The following RGS7 variants were observed in gnomAD, a reference collection of about 807,000 sequenced individuals.
The protein encoded by RGS7 is regulator of G-protein signaling 7.
RGS7 carries 27 observed loss-of-function variants against 81.1 expected under a neutral mutation model. The ratio of observed to expected loss-of-function variants is 0.33; its 90% CI spans 0.25 to 0.46. The LOEUF is 0.46. Among genes scored for constraint, RGS7 ranks in the 20% least tolerant of loss-of-function variants. RGS7 has a pLI of 1.00. For synonymous variants in RGS7, 208 were observed against 207.7 expected, an observed-to-expected ratio of 1.00 and a Z score of -0.01; for missense variants, 396 against 607.4, an observed-to-expected ratio of 0.65 and a Z score of 3.66.
chr1:241,253,208 C>T (rs988735261), intron 2 of RGS7, among the ~76,000 whole-genome samples: 2 of 152,144 alleles, frequency 1.3e-5, no homozygotes, highest in Admixed American at 6.5e-5. Context: ...CCCAGATTAT[C>T]GACATGTAGC....
intron 18 of RGS7, among the ~76,000 whole-genome samples, chr1:240,786,822 T>G (rs1685157723): frequency 6.6e-6 from 1 of 152,234 alleles, no homozygotes; most frequent in Non-Finnish European, 1.5e-5. Flanking sequence ...ACAGTAGATA[T>G]GTCTTGATAC....
At chr1:241,338,027 TAGTG>T (rs1295897368) in intron 2 of RGS7, among the ~76,000 whole-genome samples, 1 of 152,222 alleles carries the variant, frequency 6.6e-6, no homozygotes, top group Non-Finnish European at 1.5e-5. Flanking sequence ...CAGTTATTTT[TAGTG>T]AGTGATTTTT....
intron 2 of RGS7, among the ~76,000 whole-genome samples, chr1:241,293,933 A>G (rs151083617): frequency 1.4e-3 from 209 of 152,318 alleles, no homozygotes; most frequent in South Asian, 2.7e-3. Flanking sequence ...CAGCAATCCC[A>G]TTGCTGGATA....
At chr1:241,114,772 C>T (rs2065779683) in intron 2 of RGS7, among the ~76,000 whole-genome samples, 1 of 152,124 alleles carries the variant, frequency 6.6e-6, no homozygotes. Flanking sequence ...ATTATGGGGC[C>T]TGAGTCATGT....
At chr1:241,322,411 A>T (rs1270571190) in intron 2 of RGS7, among the ~76,000 whole-genome samples, 1 of 152,216 alleles carries the variant, frequency 6.6e-6, no homozygotes, top group African/African-American at 2.4e-5. Context: ...ATATTGGTTG[A>T]CTATATATTC....
At chr1:241,182,300 C>T (rs1294138532) in intron 2 of RGS7, among the ~76,000 whole-genome samples, 2 of 152,092 alleles carry the variant, frequency 1.3e-5, no homozygotes, top group African/African-American at 4.8e-5. Flanking sequence ...CATAGGACTC[C>T]AAAGAATAAA....
In RGS7 at chr1:240,827,167, T is replaced by A. The variant is rs1385211349; in HGVS notation, c.615A>T (p.Gly205=). 6.2e-7 allele frequency: 1 copy of A among 1,612,804 alleles called. No homozygotes were observed. The highest frequency in any genetic ancestry group is 2.2e-5 in the East Asian group (1 of 44,870). Residue 205 remains glycine, a synonymous_variant, in exon 10 of 19, where the codon GGA becomes GGT. Coordinates refer to ENST00000440928, the MANE Select transcript of RGS7 (RefSeq NM_001364886.1). ...TGTCCACTTCAGTTGTATTTACACATCCAGGCTGGGAATGGAAAAACAGAG... is the reference window on the plus strand; with the variant it reads ...TGTCCACTTCAGTTGTATTTACACAACCAGGCTGGGAATGGAAAAACAGAG... ...AFWDVHRPVP[G]CVNTTEVDIK...
chr1:241,152,130 C>T (rs1198505635), intron 2 of RGS7, among the ~76,000 whole-genome samples: 2 of 141,050 alleles, frequency 1.4e-5, no homozygotes, highest in East Asian at 2.2e-4. Context: ...AATTCCAGCT[C>T]ATTAGCAGCC....
chr1:241,106,770 A>ACACACACACACACACACACACACCCCCC (rs1439413513), intron 2 of RGS7, among the ~76,000 whole-genome samples: 25 of 149,500 alleles, frequency 1.7e-4, no homozygotes, highest in African/African-American at 5.7e-4. Context: ...ACACACACAC[A>ACACACACACACACACACACACACCCCCC]CACACACACA....
At chr1:241,332,846 C>A (rs993825322) in intron 2 of RGS7, among the ~76,000 whole-genome samples, 1 of 152,182 alleles carries the variant, frequency 6.6e-6, no homozygotes, top group Non-Finnish European at 1.5e-5. Flanking sequence ...AATTAGAATT[C>A]CACCTTCAGA....
downstream of RGS7, among the ~76,000 whole-genome samples, chr1:240,774,886 AT>A (rs11287643): frequency 0.17 from 26,169 of 152,182 alleles, 3,017 homozygotes; most frequent in African/African-American, 0.33. Flanking sequence ...AAAATACGGT[AT>A]AACAACTAAT....
intron 2 of RGS7, among the ~76,000 whole-genome samples, chr1:241,343,508 C>A: frequency 6.6e-6 from 1 of 152,184 alleles, no homozygotes; most frequent in South Asian, 2.1e-4. Flanking sequence ...GGAGAAAATT[C>A]TGGCACATGT....
chr1:240,913,845 T>C (rs1218225913), intron 6 of RGS7, among the ~76,000 whole-genome samples: 1 of 152,122 alleles, frequency 6.6e-6, no homozygotes, highest in African/African-American at 2.4e-5. Flanking sequence ...AGAAAAATGT[T>C]ATTTTATCTA....
chr1:241,352,801 A>T (rs2083328132), intron 2 of RGS7, among the ~76,000 whole-genome samples: 1 of 152,266 alleles, frequency 6.6e-6, no homozygotes, highest in Non-Finnish European at 1.5e-5. Flanking sequence ...GTATGAGGAT[A>T]GTGATAACGA....
At chr1:241,103,258 T>A (rs949203937) in intron 2 of RGS7, among the ~76,000 whole-genome samples, 1 of 152,190 alleles carries the variant, frequency 6.6e-6, no homozygotes, top group African/African-American at 2.4e-5. Flanking sequence ...CATGCATATA[T>A]TCATTAAAAT....
chr1:241,165,786 TA>T (rs1169374888), intron 2 of RGS7, among the ~76,000 whole-genome samples: 21 of 107,508 alleles, frequency 2.0e-4, no homozygotes, highest in East Asian at 5.1e-4. Flanking sequence ...ATAATAATAA[TA>T]AAAAAAAAAA....
At chr1:241,202,970 CT>C (rs542982856) in intron 2 of RGS7, among the ~76,000 whole-genome samples, 96 of 152,192 alleles carry the variant, frequency 6.3e-4, no homozygotes, top group Non-Finnish European at 1.1e-3. Flanking sequence ...ATTTTCTGAG[CT>C]TTAACATTTC....
intron 2 of RGS7, among the ~76,000 whole-genome samples, chr1:241,219,362 G>A (rs1203904556): frequency 2.6e-5 from 4 of 152,146 alleles, no homozygotes; most frequent in African/African-American, 4.8e-5. Context: ...AAGACGTGAC[G>A]TGATCCTCCT....
At chr1:241,116,111 A>C (rs1477262475) in intron 2 of RGS7, among the ~76,000 whole-genome samples, 2 of 152,104 alleles carry the variant, frequency 1.3e-5, no homozygotes, top group African/African-American at 4.8e-5. Context: ...TGAGTCAACT[A>C]AATCTCTTTT....
Sources: gnomAD v4.1 joint callset for allele counts (sites outside exome capture counted in the v4.1 genomes callset) on GRCh38, gnomAD v4.1.1 for gene constraint, MANE v1.5 for transcripts, NCBI Gene and HGNC (gene_info 2026-07-23, HGNC 2026-07-21) for gene names.